The following ASMTL variants were observed in gnomAD, a reference collection of about 807,000 sequenced individuals.
The protein encoded by ASMTL is probable bifunctional dTTP/UTP pyrophosphatase/methyltransferase protein.
A neutral mutation model predicts 60.3 loss-of-function variants in ASMTL; 57 were observed. The observed-to-expected ratio is 0.95, with a 90% CI of 0.76 to 1.18. The LOEUF is 1.18. ASMTL is among the 50% of genes most tolerant of loss of function. The pLI is 0.00. For missense variants in ASMTL, 981 were observed against 852.6 expected, an observed-to-expected ratio of 1.15 and a Z score of -1.88; for synonymous variants, 419 against 373.0, an observed-to-expected ratio of 1.12 and a Z score of -1.42.
At chrX:1,420,495 C>T (rs769946453) in intron 9 of ASMTL, among the ~76,000 whole-genome samples, 11 of 152,326 alleles carry the variant, frequency 7.2e-5, no homozygotes, top group Admixed American at 4.6e-4. Flanking sequence ...CTCACTGCCA[C>T]AGAAGCTCGG....
chrX:1,439,998 C>T (rs1470953881), intron 2 of ASMTL, among the ~76,000 whole-genome samples: 1 of 152,048 alleles, frequency 6.6e-6, no homozygotes, highest in African/African-American at 2.4e-5. Context: ...ACTGGCCTCC[C>T]TAAGCTGTGC....
At chrX:1,440,117 C>T (rs376417290) in intron 2 of ASMTL, among the ~76,000 whole-genome samples, 5 of 149,998 alleles carry the variant, frequency 3.3e-5, no homozygotes, top group African/African-American at 7.4e-5. Context: ...GATGGAGTCT[C>T]GCTCTGTCGC....
In ASMTL at chrX:1,427,758, C is replaced by T. The variant is rs1181255170; in HGVS notation, c.873G>A (p.Leu291=). The part of the protein sequence containing the change: ...LPPFPTRLLE[L]IEGFMLSKGL... ...CCTTGGATAGCATAAAGCCCTCAAT[C>T]AGCTCCAGGAGGCGTGTCGGGAACG... Residue 291 remains leucine (L), a synonymous_variant, in exon 7 of 13, where the codon CTG becomes CTA. Coordinates refer to ENST00000381317, the MANE Select transcript of ASMTL (RefSeq NM_004192.4). 1.9e-6 allele frequency: 3 copies of T among 1,611,712 alleles called. No homozygotes were observed. Among genetic ancestry groups the T allele is most frequent in the Non-Finnish European group, 2.5e-6 (3 of 1,178,672 alleles).
rs746003201 is a variant in ASMTL, at chrX:1,452,878, G to A, written c.-38C>T. 3 of 1,445,022 alleles carry A rather than the reference G, an allele frequency of 2.1e-6. No individual in the cohort carries two copies. Among genetic ancestry groups the A allele is most frequent in the Non-Finnish European group, 2.8e-6 (3 of 1,086,536 alleles). 89.5% of individuals were successfully genotyped at this position (1,445,022 alleles called of 1,614,324 possible). A position where few individuals can be genotyped will look rare whatever the true frequency, so the allele number is the denominator to read the frequency against. On this transcript the variant is annotated 5_prime_UTR_variant, in exon 1 of 13. Coordinates refer to ENST00000381317, the MANE Select transcript of ASMTL (RefSeq NM_004192.4). The stretch of plus-strand genomic sequence containing the variant: ...GGGAGCCGGGCGTCCGCACTTCTGA[G>A]CCCGGAGCCCGCGGTGCGCGCAGCG...
chrX:1,435,618 A>G, intron 4 of ASMTL, 76 bp downstream of exon 4: 1 of 1,443,990 alleles, frequency 6.9e-7, no homozygotes, highest in Admixed American at 1.7e-5. Flanking sequence ...CCTGCTCCCC[A>G]GGACACCCGG....
chrX:1,422,763 G>A (rs1353341233), intron 8 of ASMTL, among the ~76,000 whole-genome samples: 1 of 152,072 alleles, frequency 6.6e-6, no homozygotes. Context: ...GCTATAGTCA[G>A]ATAGATGACA....
chrX:1,447,150 C>T (rs1440036970), intron 1 of ASMTL, among the ~76,000 whole-genome samples: 2 of 152,188 alleles, frequency 1.3e-5, no homozygotes, highest in Non-Finnish European at 2.9e-5. Flanking sequence ...CCCTCCAGGG[C>T]TGTGTTTGGT....
intron 8 of ASMTL, among the ~76,000 whole-genome samples, chrX:1,424,652 C>A (rs1161373893): frequency 2.6e-5 from 4 of 151,564 alleles, no homozygotes; most frequent in Non-Finnish European, 4.4e-5. Context: ...ATGCACTCAT[C>A]CACCGATTCA....
Position 1,403,226 on chromosome X carries a change from G to T in ASMTL, c.*43C>A. On this transcript the variant is annotated 3_prime_UTR_variant, in exon 13 of 13. Transcript: ENST00000381317. ...TTGGGGACCGGGCGGTCCACCTGCA[G>T]CCTGGGGGAGGACATCCCTATAATG... The T allele has an allele frequency of 6.4e-7, 1 of 1,571,412 alleles. No homozygotes were observed. Among genetic ancestry groups the T allele is most frequent in the Non-Finnish European group, 8.7e-7 (1 of 1,144,394 alleles).
At chrX:1,451,078 C>T in intron 1 of ASMTL, among the ~76,000 whole-genome samples, 1 of 146,904 alleles carries the variant, frequency 6.8e-6, no homozygotes, top group Non-Finnish European at 1.5e-5. Flanking sequence ...CCTAGGGATT[C>T]CGGATCACTC....
intron 8 of ASMTL, among the ~76,000 whole-genome samples, chrX:1,423,990 C>T (rs1255404062): frequency 6.6e-6 from 1 of 151,282 alleles, no homozygotes; most frequent in Non-Finnish European, 1.5e-5. Context: ...ATTCATTCCC[C>T]CACCCATCCA....
chrX:1,446,538 C>A (rs1268159513), intron 1 of ASMTL, among the ~76,000 whole-genome samples: 1 of 136,348 alleles, frequency 7.3e-6, no homozygotes, highest in Admixed American at 8.1e-5. Context: ...CTTGCTCTGT[C>A]GCCCAGGCTG....
intron 7 of ASMTL, 62 bp downstream of exon 7, chrX:1,427,672 G>A: frequency 6.6e-7 from 1 of 1,513,076 alleles, no homozygotes; most frequent in Non-Finnish European, 8.9e-7. Context: ...AATTCCCTTT[G>A]ATTTAAGCCG....
At chrX:1,416,693 CAG>C (rs1250501559) in intron 11 of ASMTL, among the ~76,000 whole-genome samples, 34 of 151,554 alleles carry the variant, frequency 2.2e-4, no homozygotes, top group African/African-American at 4.4e-4. Flanking sequence ...GATGCAGACA[CAG>C]AGACACATTC....
chrX:1,411,108 C>A (rs28722887), intron 12 of ASMTL, among the ~76,000 whole-genome samples: 20 of 151,626 alleles, frequency 1.3e-4, no homozygotes, highest in Non-Finnish European at 2.5e-4. Flanking sequence ...CACTTGAACC[C>A]TGGGGGTGGA....
Position 1,419,110 on chromosome X carries a change from G to T in ASMTL, c.1250C>A (p.Ala417Glu), listed in dbSNP as rs202198651. The T allele has an allele frequency of 9.4e-3, 15,095 of 1,610,898 alleles. 111 individuals carry two copies. The highest frequency in any genetic ancestry group is 0.012 in the Non-Finnish European group (13,988 of 1,179,378). The change falls in exon 10 of 13, where the codon GCG becomes GAG. Residue 417 changes from alanine to glutamate, a missense_variant. By Grantham distance (107) the Ala-to-Glu change is moderately radical. Transcript: ENST00000381317. Reference protein sequence around the residue: ...GKKAEDLFQDAYYQSPETRLR... With the variant: ...GKKAEDLFQDEYYQSPETRLR... ...CCGCGTCTCCGGGCTCTGGTAGTAC[G>T]CATCCTGGAACACAGCAGGTGCTTA... is the stretch of plus-strand genomic sequence containing the variant.
At chrX:1,436,002 C>T (rs1221757617) in intron 3 of ASMTL, among the ~76,000 whole-genome samples, 2 of 152,136 alleles carry the variant, frequency 1.3e-5, no homozygotes, top group Non-Finnish European at 2.9e-5. Flanking sequence ...CTCCCCAGTG[C>T]GCCTCCCCAG....
rs201312637 is a variant in ASMTL, at chrX:1,418,007, G to C, written c.1488C>G (p.Pro496=). The C allele has an allele frequency of 1.2e-6, 2 of 1,612,468 alleles. No individual in the cohort carries two copies. The highest frequency in any genetic ancestry group is 4.5e-5 in the East Asian group (2 of 44,846). The change falls in exon 11 of 13, where the codon CCC becomes CCG. Residue 496 remains proline (P), a synonymous_variant. Coordinates refer to ENST00000381317, the MANE Select transcript of ASMTL (RefSeq NM_004192.4). ...AGTGGATCTGCACTGCCTGCGGTCCGGGGGGTTGGAAGTGGGCGGCCAGCT... is the reference window on the plus strand; with the variant it reads ...AGTGGATCTGCACTGCCTGCGGTCCCGGGGGTTGGAAGTGGGCGGCCAGCT... ...IIELAAHFQP[P]GPQAVQIHFA... is the part of the protein sequence containing the mutation.
Position 1,414,951 on chromosome X carries a change from T to C in ASMTL, c.1523-2097A>G, listed in dbSNP as rs1371006515. 3.4e-4 allele frequency among the ~76,000 whole-genome samples: 52 copies of C among 151,376 alleles called. 1 individual carries two copies. Among genetic ancestry groups the C allele is most frequent in the Non-Finnish European group, 6.3e-4 (43 of 67,762 alleles). On this transcript the variant is annotated intron_variant, in intron 11 of 12. Transcript: ENST00000381317. ...AGCTGTCTCTTTTTTTATTTTTTTA[T>C]TTTTTTTGAGATGGAGTTTTGCTGT...
Sources: gnomAD v4.1 joint callset for allele counts (sites outside exome capture counted in the v4.1 genomes callset) on GRCh38, gnomAD v4.1.1 for gene constraint, MANE v1.5 for transcripts, NCBI Gene and HGNC (gene_info 2026-07-23, HGNC 2026-07-21) for gene names.